HIVEP3: variants seen among roughly 807,000 people sequenced by gnomAD.
HIVEP3 encodes HIVEP zinc finger 3, also known as transcription factor HIVEP3.
A neutral mutation model predicts 152.8 loss-of-function variants in HIVEP3; 49 were observed. The observed-to-expected ratio is 0.32, with a 90% CI of 0.26 to 0.41. The LOEUF is 0.41. Among genes scored for constraint, HIVEP3 ranks in the 10% least tolerant of loss-of-function variants. The probability of loss-of-function intolerance (pLI) is 1.00; values close to 1 mark genes in which losing one functional copy is unlikely to be tolerated. For missense variants in HIVEP3, 2,790 were observed against 3,103.3 expected, an observed-to-expected ratio of 0.90 and a Z score of 2.40; for synonymous variants, 1,269 against 1,289.0, an observed-to-expected ratio of 0.98 and a Z score of 0.33.
intron 3 of HIVEP3, among the ~76,000 whole-genome samples, chr1:41,603,874 C>T (rs2149126594): frequency 6.6e-6 from 1 of 152,268 alleles, no homozygotes; most frequent in South Asian, 2.1e-4. Context: ...TCATTTGCTT[C>T]TCTGTTGATC....
intron 1 of HIVEP3, among the ~76,000 whole-genome samples, chr1:41,796,601 T>G (rs2124306309): frequency 6.6e-6 from 1 of 152,376 alleles, no homozygotes; most frequent in East Asian, 1.9e-4. Flanking sequence ...CCAGGGCCCC[T>G]CTCTAGTTCA....
rs566950757 is a variant in HIVEP3, at chr1:41,584,988, C to T, written c.-191G>A. ...TGTGAGTGGACTCGGAGCAGGTCAT[C>T]AGGGCCCACGCTATTCTATTGGTGA... On this transcript the variant is annotated 5_prime_UTR_variant, in exon 4 of 9. Transcript: ENST00000372583. This position sits in a 1 kb window ranked among gnomAD's most constrained non-coding sequence, Gnocchi z 5.2. 121 of 447,824 alleles carry T rather than the reference C, an allele frequency of 2.7e-4. 1 individual carries two copies. The South Asian group carries it at 3.2e-3, about 12-fold the overall frequency. 27.7% of individuals were successfully genotyped at this position (447,824 alleles called of 1,614,324 possible).
At chr1:41,641,884 G>A (rs939535199) in intron 2 of HIVEP3, among the ~76,000 whole-genome samples, 18 of 152,176 alleles carry the variant, frequency 1.2e-4, no homozygotes, top group Admixed American at 3.9e-4. Flanking sequence ...TTTGCATCCC[G>A]CCTCCTCCAC....
chr1:41,628,351 T>A (rs1055265934), intron 3 of HIVEP3, among the ~76,000 whole-genome samples: 1 of 152,166 alleles, frequency 6.6e-6, no homozygotes, highest in African/African-American at 2.4e-5. Context: ...AGAACCATTA[T>A]GTAGGAGAAG....
intron 1 of HIVEP3, among the ~76,000 whole-genome samples, chr1:41,909,097 G>A (rs1030473844): frequency 1.3e-5 from 2 of 152,130 alleles, no homozygotes; most frequent in African/African-American, 4.8e-5. Flanking sequence ...AGGCAACAAT[G>A]GAAACAGAGG....
chr1:41,739,642 C>G (rs1646968663), intron 1 of HIVEP3, among the ~76,000 whole-genome samples: 1 of 152,354 alleles, frequency 6.6e-6, no homozygotes, highest in Non-Finnish European at 1.5e-5. Flanking sequence ...TCCACTCCAC[C>G]CACTGTACCC....
chr1:41,641,789 AG>A (rs1645377615), intron 2 of HIVEP3, among the ~76,000 whole-genome samples: 1 of 152,154 alleles, frequency 6.6e-6, no homozygotes, highest in Non-Finnish European at 1.5e-5. Context: ...CAACCCTGGC[AG>A]GTCCACTCTT....
intron 1 of HIVEP3, among the ~76,000 whole-genome samples, chr1:42,012,909 G>A (rs546459984): frequency 4.6e-5 from 7 of 152,282 alleles, no homozygotes; most frequent in African/African-American, 1.7e-4. Context: ...ATAGCAGCCT[G>A]AACAGACCAA....
At chr1:41,839,642 G>T (rs1000799785) in intron 1 of HIVEP3, among the ~76,000 whole-genome samples, 9 of 152,150 alleles carry the variant, frequency 5.9e-5, no homozygotes, top group African/African-American at 2.2e-4. Flanking sequence ...TGCTCTGTGT[G>T]TGTGACTACA....
chr1:41,868,634 C>T (rs1156961610), intron 1 of HIVEP3, among the ~76,000 whole-genome samples: 4 of 152,156 alleles, frequency 2.6e-5, no homozygotes, highest in Non-Finnish European at 5.9e-5. Context: ...TGGTTTAGAG[C>T]ACACCTGTGC....
chr1:41,941,443 GAGA>G (rs889815505), intron 1 of HIVEP3, among the ~76,000 whole-genome samples: 1 of 152,192 alleles, frequency 6.6e-6, no homozygotes, highest in Non-Finnish European at 1.5e-5. Context: ...TCACACTACA[GAGA>G]AGAAGGAAAG....
chr1:41,601,609 T>G (rs185730975), intron 3 of HIVEP3, among the ~76,000 whole-genome samples: 47 of 152,330 alleles, frequency 3.1e-4, no homozygotes, highest in African/African-American at 1.1e-3. Context: ...TCCTGCAACT[T>G]TACTAAATTT....
chr1:41,764,372 C>T (rs150769972), intron 1 of HIVEP3, among the ~76,000 whole-genome samples: 2,237 of 152,240 alleles, frequency 0.015, 25 homozygotes, highest in Non-Finnish European at 0.019. Flanking sequence ...TAAGAAACAT[C>T]GTAGGAGCGG....
At chr1:41,608,195 G>A (rs975641487) in intron 3 of HIVEP3, among the ~76,000 whole-genome samples, 1 of 152,224 alleles carries the variant, frequency 6.6e-6, no homozygotes, top group Non-Finnish European at 1.5e-5. Flanking sequence ...GTCATGGAAA[G>A]GTTCCCTGCA....
At chr1:41,544,808 CACT>C (rs1239672133) in intron 5 of HIVEP3, among the ~76,000 whole-genome samples, 7 of 143,028 alleles carry the variant, frequency 4.9e-5, no homozygotes, top group Non-Finnish European at 7.8e-5. Flanking sequence ...TCACCACCAC[CACT>C]ACCACCTCTA....
intron 1 of HIVEP3, among the ~76,000 whole-genome samples, chr1:42,031,248 A>T (rs528002332): frequency 6.6e-6 from 1 of 152,252 alleles, no homozygotes; most frequent in South Asian, 2.1e-4. Context: ...TTCCTGTTCC[A>T]GACTGCTCTG....
intron 1 of HIVEP3, among the ~76,000 whole-genome samples, chr1:41,840,995 G>C (rs1037211927): frequency 3.3e-5 from 5 of 152,216 alleles, no homozygotes; most frequent in Non-Finnish European, 7.3e-5. Context: ...CTAAATCAAA[G>C]GGCTGTTAAA....
intron 2 of HIVEP3, among the ~76,000 whole-genome samples, chr1:41,685,668 C>A (rs372125828): frequency 6.6e-6 from 1 of 152,218 alleles, no homozygotes; most frequent in East Asian, 1.9e-4. Context: ...CCGATTTCTA[C>A]CTTGAATCCT....
chr1:41,648,576 G>A (rs1321698029), intron 2 of HIVEP3, among the ~76,000 whole-genome samples: 2 of 152,262 alleles, frequency 1.3e-5, no homozygotes. Flanking sequence ...AAAGCCCTGA[G>A]CAGCTCAAGG....
Sources: allele counts gnomAD v4.1 joint callset (sites outside exome capture counted in the v4.1 genomes callset), GRCh38; gene constraint gnomAD v4.1.1; non-coding constraint Gnocchi (gnomAD v3.1); transcripts MANE v1.5; gene names NCBI Gene and HGNC (gene_info 2026-07-23, HGNC 2026-07-21).